ABLIM2: variants seen among roughly 807,000 people sequenced by gnomAD.
ABLIM2 encodes actin binding LIM protein family member 2.
Under a neutral mutation model 97.7 loss-of-function variants are expected in ABLIM2, and 53 were observed. That is an observed-to-expected ratio of 0.54 (90% CI 0.44 to 0.68). ABLIM2 has a LOEUF of 0.68. Among genes scored for constraint, ABLIM2 ranks in the 30% least tolerant of loss-of-function variants. The pLI, the probability that ABLIM2 is intolerant of heterozygous loss-of-function variation, is 0.00. For missense variants in ABLIM2, 835 were observed against 867.2 expected (o/e 0.96, Z 0.47); for synonymous variants, 361 against 345.8 (o/e 1.04, Z -0.49).
rs532818336 is a variant in ABLIM2, at chr4:8,100,273, G to C, written c.155-2991C>G. Reference sequence around the variant, plus strand: ...CAATGTTCCCTGCATTATGGGTACAGTAAAATGTTGTAAATAGATGCCTGG... The same window carrying C: ...CAATGTTCCCTGCATTATGGGTACACTAAAATGTTGTAAATAGATGCCTGG... On this transcript the variant is annotated intron_variant, in intron 2 of 20. Coordinates refer to ENST00000447017, the MANE Select transcript of ABLIM2 (RefSeq NM_001130083.2). Among the ~76,000 whole-genome samples the C allele has an allele frequency of 1.4e-4, 21 of 152,340 alleles. No homozygotes were observed. The South Asian group carries it at 4.4e-3, about 32-fold the overall frequency.
Position 8,088,118 on chromosome 4 carries a change from C to T in ABLIM2, c.454+51G>A, listed in dbSNP as rs573548737. On this transcript the variant is annotated intron_variant, in intron 4 of 20. Coordinates refer to ENST00000447017, the MANE Select transcript of ABLIM2 (RefSeq NM_001130083.2). ...TCAGCATACCCACCCATTTAGCACC[C>T]CCCACTCAGCATGCCCCCACTCAAC... The T allele has an allele frequency of 2.7e-4, 200 of 745,188 alleles. 1 individual carries two copies. Among genetic ancestry groups the T allele is most frequent in the Non-Finnish European group, 1.9e-4 (97 of 507,426 alleles). 46.2% of individuals were successfully genotyped at this position (745,188 alleles called of 1,614,324 possible).
In ABLIM2 at chr4:7,992,994, G is replaced by C. The variant is rs909285409; in HGVS notation, c.1619-67C>G. ...GGTGCAGCAATGGGGGTGCAGCCCT[G>C]GGGGGGCTTCCCACCGGGGTGGGCA... is the stretch of plus-strand genomic sequence containing the variant. On this transcript the variant is annotated intron_variant, in intron 16 of 20. Coordinates refer to ENST00000447017, the MANE Select transcript of ABLIM2 (RefSeq NM_001130083.2). The surrounding 1 kb of genome is among the most constrained non-coding windows in gnomAD (Gnocchi z 5.7). 3.9e-6 allele frequency: 6 copies of C among 1,547,800 alleles called. No individual in the cohort carries two copies. The highest frequency in any genetic ancestry group is 1.4e-5 in the African/African-American group (1 of 73,626).
Position 8,077,735 on chromosome 4 carries a change from G to A in ABLIM2, c.582-14C>T. On this transcript the variant is annotated splice_polypyrimidine_tract_variant and intron_variant, in intron 5 of 20. Coordinates refer to ENST00000447017, the MANE Select transcript of ABLIM2 (RefSeq NM_001130083.2). Reference sequence around the variant, plus strand: ...GGCAGCCCATCCCTGCAATGAGACAGGCAGTCAACACAGGGCGGGTGTCGC... The same window carrying A: ...GGCAGCCCATCCCTGCAATGAGACAAGCAGTCAACACAGGGCGGGTGTCGC... The A allele has an allele frequency of 1.2e-6, 2 of 1,606,552 alleles. No homozygotes were observed. The highest frequency in any genetic ancestry group is 1.1e-5 in the South Asian group (1 of 89,752).
intron 3 of ABLIM2, among the ~76,000 whole-genome samples, chr4:8,089,561 C>G (rs1453853722): frequency 1.3e-5 from 2 of 151,944 alleles, no homozygotes; most frequent in Non-Finnish European, 2.9e-5. Context: ...GTGGTGAAAC[C>G]TGGTCTCTAC....
chr4:7,982,077 T>C (rs1739001643), intron 20 of ABLIM2, among the ~76,000 whole-genome samples: 1 of 150,702 alleles, frequency 6.6e-6, no homozygotes, highest in Admixed American at 6.6e-5. Flanking sequence ...CCCATGCCCC[T>C]CCAACTCCCT....
chr4:8,013,599 G>A (rs751280983), intron 14 of ABLIM2, among the ~76,000 whole-genome samples: 3 of 152,186 alleles, frequency 2.0e-5, no homozygotes, highest in Non-Finnish European at 2.9e-5. Flanking sequence ...TGAGGAGACC[G>A]AGGTCCGGAG....
rs1579680399 is a variant in ABLIM2 at position 8,046,346 on chromosome 4, C to G, written c.823-1105G>C. 6.6e-6 allele frequency among the ~76,000 whole-genome samples: 1 copy of G among 152,112 alleles called. No individual in the cohort carries two copies. Among genetic ancestry groups the G allele is most frequent in the Non-Finnish European group, 1.5e-5 (1 of 68,008 alleles). ...GGCAGGGGCCTCTCCTGGTTCAGCT[C>G]TCACTGGAGCTGCACACCCCTCTCC... On this transcript the variant is annotated intron_variant, in intron 8 of 20. Transcript: ENST00000447017. The surrounding 1 kb of genome is among the most constrained non-coding windows in gnomAD (Gnocchi z 4.4).
intron 19 of ABLIM2, 27 bp downstream of exon 19, chr4:7,983,520 G>A: frequency 1.9e-6 from 3 of 1,612,904 alleles, no homozygotes; most frequent in Non-Finnish European, 2.5e-6. Context: ...GCGGCACGGA[G>A]GTCAGTGTGG....
chr4:8,090,202 C>G (rs1489219646), intron 3 of ABLIM2, among the ~76,000 whole-genome samples: 2 of 152,248 alleles, frequency 1.3e-5, no homozygotes, highest in Admixed American at 6.5e-5. Flanking sequence ...CTGCTGCCAC[C>G]TGGGTCTCCG....
Position 8,082,039 on chromosome 4 carries a change from G to A in ABLIM2, c.455-1237C>T, listed in dbSNP as rs973114415. Among the ~76,000 whole-genome samples the A allele has an allele frequency of 1.3e-5, 2 of 152,148 alleles. No individual in the cohort carries two copies. Among genetic ancestry groups the A allele is most frequent in the East Asian group, 1.9e-4 (1 of 5,190 alleles). On this transcript the variant is annotated intron_variant, in intron 4 of 20. Coordinates refer to ENST00000447017, the MANE Select transcript of ABLIM2 (RefSeq NM_001130083.2). The surrounding 1 kb of genome is among the most constrained non-coding windows in gnomAD (Gnocchi z 5.6). ...TGTGTTTGTCGAAGTGTGTGTCTGC[G>A]TGTGTTTAAGGGTGTGGTTGTGTGT...
chr4:8,128,702 G>A lies in ABLIM2; in HGVS notation c.11-22065C>T, dbSNP rs533203183. On this transcript the variant is annotated intron_variant, in intron 1 of 20. Coordinates refer to ENST00000447017, the MANE Select transcript of ABLIM2 (RefSeq NM_001130083.2). This position sits in a 1 kb window ranked among gnomAD's most constrained non-coding sequence, Gnocchi z 4.9. Reference sequence around the variant, plus strand: ...TGTCCCCTCCCCAGACTCACATGCTGATATCCTAAACCCCAGTGTGACAGG... The same window carrying A: ...TGTCCCCTCCCCAGACTCACATGCTAATATCCTAAACCCCAGTGTGACAGG... Among the ~76,000 whole-genome samples, 2 of 152,272 alleles carry A rather than the reference G, an allele frequency of 1.3e-5. No individual in the cohort carries two copies. Among genetic ancestry groups the A allele is most frequent in the East Asian group, 3.9e-4 (2 of 5,160 alleles).
chr4:8,158,615 C>G (rs1716206196), intron 1 of ABLIM2, 65 bp downstream of exon 1: 1 of 1,502,422 alleles, frequency 6.7e-7, no homozygotes, highest in Admixed American at 2.1e-5. Flanking sequence ...CCGAATGCCA[C>G]CCAGCCCTTG....
intron 2 of ABLIM2, among the ~76,000 whole-genome samples, chr4:8,098,168 G>A (rs1038497629): frequency 8.5e-5 from 13 of 152,240 alleles, no homozygotes; most frequent in African/African-American, 2.9e-4. Flanking sequence ...GACCCAGCTG[G>A]CCCAGGCCCT....
rs1758177601 is a variant in ABLIM2, at chr4:8,002,887, T to C, written c.1618+5172A>G. Among the ~76,000 whole-genome samples the C allele has an allele frequency of 6.6e-6, 1 of 152,214 alleles. No homozygotes were observed. Among genetic ancestry groups the C allele is most frequent in the South Asian group, 2.1e-4 (1 of 4,834 alleles). Reference sequence around the variant, plus strand: ...TACACCCACTTCAAGCCGTGCCAGGTACCGTCTCTCTGCACTGACTACTTA... The same window carrying C: ...TACACCCACTTCAAGCCGTGCCAGGCACCGTCTCTCTGCACTGACTACTTA... On this transcript the variant is annotated intron_variant, in intron 16 of 20. Coordinates refer to ENST00000447017, the MANE Select transcript of ABLIM2 (RefSeq NM_001130083.2). The surrounding 1 kb of genome is among the most constrained non-coding windows in gnomAD (Gnocchi z 6.1).
intron 6 of ABLIM2, among the ~76,000 whole-genome samples, chr4:8,066,262 C>G (rs1157508752): frequency 6.8e-6 from 1 of 146,054 alleles, no homozygotes; most frequent in Non-Finnish European, 1.5e-5. Flanking sequence ...GCCGAGATAG[C>G]GCCAGTGCAC....
chr4:8,117,497 G>T (rs893390258), intron 1 of ABLIM2, among the ~76,000 whole-genome samples: 7 of 149,970 alleles, frequency 4.7e-5, no homozygotes, highest in African/African-American at 1.7e-4. Flanking sequence ...ACCCACTGCA[G>T]ACTCCACCCG....
intron 9 of ABLIM2, among the ~76,000 whole-genome samples, chr4:8,038,657 C>T (rs1560850875): frequency 1.3e-5 from 2 of 152,158 alleles, no homozygotes; most frequent in Non-Finnish European, 2.9e-5. Flanking sequence ...GGGGTGAACC[C>T]TGACATTTGT....
At chr4:8,052,198 A>G (rs1406815770) in intron 8 of ABLIM2, among the ~76,000 whole-genome samples, 5 of 152,214 alleles carry the variant, frequency 3.3e-5, no homozygotes, top group African/African-American at 1.2e-4. Context: ...TCCCATGCAC[A>G]CATGCAAGCC....
chr4:8,093,297 ACT>A (rs1829849875), intron 3 of ABLIM2, among the ~76,000 whole-genome samples: 1 of 151,942 alleles, frequency 6.6e-6, no homozygotes, highest in Non-Finnish European at 1.5e-5. Context: ...CTAACATGGC[ACT>A]CTCTGCCAGC....
Sources: allele counts gnomAD v4.1 joint callset (sites outside exome capture counted in the v4.1 genomes callset), GRCh38; gene constraint gnomAD v4.1.1; non-coding constraint Gnocchi (gnomAD v3.1); transcripts MANE v1.5; gene names NCBI Gene and HGNC (gene_info 2026-07-23, HGNC 2026-07-21).